Variants in PTPN23 observed in about 807,000 individuals in gnomAD.
PTPN23 encodes the protein tyrosine-protein phosphatase non-receptor type 23.
PTPN23 carries 72 observed loss-of-function variants against 156.3 expected under a neutral mutation model. That is an observed-to-expected ratio of 0.46 (90% CI 0.38 to 0.56). The LOEUF (loss-of-function observed/expected upper bound fraction) is 0.56, where lower values mean the gene tolerates loss of function less well. PTPN23 is among the 20% of genes least tolerant of loss of function. The pLI is 0.00. For synonymous variants in PTPN23, 957 were observed against 899.6 expected (o/e 1.06, Z -1.14); for missense variants, 1,974 against 2,171.5 (o/e 0.91, Z 1.81).
rs1336886744 is a variant in PTPN23, at chr3:47,407,694, C to A, written c.1004-3C>A. 1.2e-6 allele frequency: 2 copies of A among 1,612,898 alleles called. No homozygotes were observed. The highest frequency in any genetic ancestry group is 8.5e-7 in the Non-Finnish European group (1 of 1,178,932). The stretch of plus-strand genomic sequence containing the variant: ...CTGATCTCCACAATTCCCACCCCCC[C>A]AGGAGCCCCCTTGGTGAAGCCCTTG... On this transcript the variant is annotated splice_region_variant and splice_polypyrimidine_tract_variant and intron_variant, in intron 12 of 24. Coordinates refer to ENST00000265562, the MANE Select transcript of PTPN23 (RefSeq NM_015466.4). The surrounding 1 kb of genome is among the most constrained non-coding windows in gnomAD (Gnocchi z 4.0).
intron 1 of PTPN23, among the ~76,000 whole-genome samples, chr3:47,381,465 C>A (rs1405731766): frequency 6.6e-6 from 1 of 152,212 alleles, no homozygotes; most frequent in East Asian, 1.9e-4. Flanking sequence ...CAGCACACTT[C>A]CTCCTTCTGA....
chr3:47,411,016 C>T lies in PTPN23; in HGVS notation c.3218C>T (p.Ser1073Leu), dbSNP rs751978383. 8 of 1,595,184 alleles carry T rather than the reference C, an allele frequency of 5.0e-6. No homozygotes were observed. The highest frequency in any genetic ancestry group is 3.4e-5 in the South Asian group (3 of 87,656). The change falls in exon 20 of 25, where the codon TCG (serine) becomes TTG (leucine). Residue 1073 changes from serine (S) to leucine (L), a missense_variant. Ser to Leu is a moderately radical substitution (Grantham distance 145, BLOSUM62 -2). Transcript: ENST00000265562. The surrounding 1 kb of genome is among the most constrained non-coding windows in gnomAD (Gnocchi z 6.3). The stretch of plus-strand genomic sequence containing the variant: ...GCCCCTCTTACCATTCGAGGGCCCT[C>T]GTCTGCTGGCCAGTCCACCCCTAGT... ...QAAPLTIRGPSSAGQSTPSPH... is the reference protein window; with the variant it reads ...QAAPLTIRGPLSAGQSTPSPH...
In PTPN23 at chr3:47,410,022, CCT is replaced by C. The variant is rs1219243358; in HGVS notation, c.2225_2226del (p.Pro742ArgfsTer9). 3 of 1,610,544 alleles carry C rather than the reference CCT, an allele frequency of 1.9e-6. No homozygotes were observed. The highest frequency in any genetic ancestry group is 2.5e-6 in the Non-Finnish European group (3 of 1,178,658). ...ESEAVEAGDP[P>X]EELRSLPPDM... is the part of the protein sequence containing the mutation. ...TGAGGCAGTGGAAGCAGGAGACCCC[CCT>C]GAGGAGCTGCGCAGCCTCCCCCCTG... On this transcript the variant is annotated frameshift_variant, in exon 20 of 25. Coordinates refer to ENST00000265562, the MANE Select transcript of PTPN23 (RefSeq NM_015466.4). LOFTEE classifies it high-confidence loss of function.
Position 47,409,981 on chromosome 3 carries a change from C to T in PTPN23, c.2183C>T (p.Pro728Leu). 1 of 1,591,880 alleles carries T rather than the reference C, an allele frequency of 6.3e-7. No homozygotes were observed. Among genetic ancestry groups the T allele is most frequent in the East Asian group, 2.2e-5 (1 of 44,646 alleles). Residue 728 changes from proline (P) to leucine (L), a missense_variant, in exon 20 of 25, where the codon CCC becomes CTC. Pro to Leu is a moderately conservative substitution (Grantham distance 98, BLOSUM62 -3). Transcript: ENST00000265562. ...PRPTAPKPLLPRREESEAVEA... is the reference protein window; with the variant it reads ...PRPTAPKPLLLRREESEAVEA... ...CCCACAGCCCCAAAGCCGCTGCTGC[C>T]CCGCAGGGAGGAGAGTGAGGCAGTG...
intron 15 of PTPN23, 122 bp downstream of exon 15, chr3:47,408,612 C>T: frequency 4.9e-6 from 7 of 1,438,876 alleles, no homozygotes; most frequent in Non-Finnish European, 5.6e-6. Context: ...CTTGGGCATC[C>T]ACACCCACTC....
chr3:47,408,107 T>A, intron 14 of PTPN23, 152 bp downstream of exon 14: 1 of 1,038,930 alleles, frequency 9.6e-7, no homozygotes, highest in Non-Finnish European at 1.4e-6. Context: ...GTGGGGCTAG[T>A]GTGTAAGGCA....
intron 2 of PTPN23, 46 bp from the exon 3 acceptor site, chr3:47,404,606 C>T (rs1311406941): frequency 1.9e-6 from 3 of 1,604,852 alleles, no homozygotes; most frequent in Admixed American, 1.7e-5. Context: ...TGCGTGTCCA[C>T]TGCCCCATAT....
intron 1 of PTPN23, among the ~76,000 whole-genome samples, chr3:47,388,632 A>G (rs62248578): frequency 2.9e-4 from 44 of 149,568 alleles, no homozygotes; most frequent in Non-Finnish European, 3.0e-4. Context: ...ATTGCTGACT[A>G]TAGTTACCCT....
In PTPN23 at chr3:47,406,867, C is replaced by A. The variant is rs900437090; in HGVS notation, c.807+117C>A. The stretch of plus-strand genomic sequence containing the variant: ...TTCTCTGTCTCACCCTGGCCATCAC[C>A]CTGCTGGAGGCCTGGTGTCTTAAGT... On this transcript the variant is annotated intron_variant, in intron 9 of 24. Coordinates refer to ENST00000265562, the MANE Select transcript of PTPN23 (RefSeq NM_015466.4). The surrounding 1 kb of genome is among the most constrained non-coding windows in gnomAD (Gnocchi z 5.8). The A allele has an allele frequency of 1.5e-6, 2 of 1,359,680 alleles. No homozygotes were observed. Among genetic ancestry groups the A allele is most frequent in the Admixed American group, 2.0e-5 (1 of 49,858 alleles). The allele number at this position is 1,359,680 out of a possible 1,614,324, so 84.2% of individuals were successfully genotyped here.
chr3:47,400,353 AG>A (rs936624626), intron 2 of PTPN23, among the ~76,000 whole-genome samples: 2 of 152,230 alleles, frequency 1.3e-5, no homozygotes, highest in African/African-American at 2.4e-5. Context: ...TGACAGGTGC[AG>A]GGGATGCTAT....
intron 1 of PTPN23, among the ~76,000 whole-genome samples, chr3:47,383,110 C>G (rs1576206566): frequency 6.6e-6 from 1 of 152,106 alleles, no homozygotes; most frequent in Non-Finnish European, 1.5e-5. Flanking sequence ...CCACTTCTTT[C>G]AGCATTTATT....
At chr3:47,388,653 C>T (rs1447662498) in intron 1 of PTPN23, among the ~76,000 whole-genome samples, 1 of 148,278 alleles carries the variant, frequency 6.7e-6, no homozygotes, top group Non-Finnish European at 1.5e-5. Flanking sequence ...GTTTTGCTGT[C>T]ACTACTAGAT....
chr3:47,396,303 G>T, intron 2 of PTPN23, 86 bp downstream of exon 2: 3 of 1,111,850 alleles, frequency 2.7e-6, no homozygotes, highest in Non-Finnish European at 3.9e-6. Context: ...GCTGGGCATG[G>T]TGGCTCAACG....
rs1033569456 is a variant in PTPN23, at chr3:47,407,627, G to A, written c.1003+43G>A. The stretch of plus-strand genomic sequence containing the variant: ...TGGGGGCAGAGGTGACGGTGGGGTG[G>A]GGACAGGACACAGGAGGCTGCCTCA... On this transcript the variant is annotated intron_variant, in intron 12 of 24. Coordinates refer to ENST00000265562, the MANE Select transcript of PTPN23 (RefSeq NM_015466.4). This position sits in a 1 kb window ranked among gnomAD's most constrained non-coding sequence, Gnocchi z 4.0. The A allele has an allele frequency of 6.2e-7, 1 of 1,605,618 alleles. No homozygotes were observed. Among genetic ancestry groups the A allele is most frequent in the Non-Finnish European group, 8.5e-7 (1 of 1,172,630 alleles).
Position 47,381,082 on chromosome 3 carries a change from C to T in PTPN23, c.-15C>T, listed in dbSNP as rs1025822806. On this transcript the variant is annotated 5_prime_UTR_variant, in exon 1 of 25. Transcript: ENST00000265562. ...GCTACGGGAGTGGCCGGGTGGCCGG[C>T]GGGTGCCAGCCGCCATGGAGGCCGT... is the stretch of plus-strand genomic sequence containing the variant. The T allele has an allele frequency of 5.3e-5, 83 of 1,561,296 alleles. 1 individual carries two copies. Among genetic ancestry groups the T allele is most frequent in the Non-Finnish European group, 7.2e-5 (83 of 1,153,922 alleles).
chr3:47,408,140 A>T (rs1705174522), intron 14 of PTPN23, among the ~76,000 whole-genome samples, 185 bp downstream of exon 14: 1 of 152,022 alleles, frequency 6.6e-6, no homozygotes, highest in African/African-American at 2.4e-5. Context: ...TGGGAGGAGG[A>T]GGTGCCTTCT....
At position 47,406,652 on chromosome 3, in the gene PTPN23, G is replaced by C. The variant is rs1254888581; in HGVS notation, c.759+40G>C. 6.2e-7 allele frequency: 1 copy of C among 1,613,850 alleles called. No homozygotes were observed. Among genetic ancestry groups the C allele is most frequent in the East Asian group, 2.2e-5 (1 of 44,898 alleles). On this transcript the variant is annotated intron_variant, in intron 8 of 24. Coordinates refer to ENST00000265562, the MANE Select transcript of PTPN23 (RefSeq NM_015466.4). This position sits in a 1 kb window ranked among gnomAD's most constrained non-coding sequence, Gnocchi z 5.8. Reference sequence around the variant, plus strand: ...CCCCAGGGCGGGGCAGGGCGGGGCTGAGTGGCCACAGCTCAGGAAGCAAGT... The same window carrying C: ...CCCCAGGGCGGGGCAGGGCGGGGCTCAGTGGCCACAGCTCAGGAAGCAAGT...
Position 47,406,777 on chromosome 3 carries a change from G to A in PTPN23, c.807+27G>A. ...TGAGCTACAGCGAGGAGGGGACTGG[G>A]GACCAATGGCAGCCTTCAGTGAGAT... On this transcript the variant is annotated intron_variant, in intron 9 of 24. Transcript: ENST00000265562. The surrounding 1 kb of genome is among the most constrained non-coding windows in gnomAD (Gnocchi z 5.8). 5 of 1,612,862 alleles carry A rather than the reference G, an allele frequency of 3.1e-6. No homozygotes were observed. In the Admixed American group the frequency reaches 5.0e-5, roughly 16 times the overall value.
Position 47,412,534 on chromosome 3 carries a change from T to C in PTPN23, c.4338T>C (p.Tyr1446=). 1.2e-6 allele frequency: 2 copies of C among 1,613,524 alleles called. No individual in the cohort carries two copies. The highest frequency in any genetic ancestry group is 1.3e-5 in the African/African-American group (1 of 75,062). ...LQEKLHLRFC[Y]EAVVRHVEQV... ...TGCAGCTGCACCTCAGGTTCTGCTA[T>C]GAGGCAGTGGTGAGACACGTGGAGC... Residue 1446 remains tyrosine (Y), a synonymous_variant, in exon 24 of 25, where the codon TAT becomes TAC. Coordinates refer to ENST00000265562, the MANE Select transcript of PTPN23 (RefSeq NM_015466.4).
Sources: allele counts gnomAD v4.1 joint callset (sites outside exome capture counted in the v4.1 genomes callset), GRCh38; gene constraint gnomAD v4.1.1; non-coding constraint Gnocchi (gnomAD v3.1); transcripts MANE v1.5; gene names NCBI Gene and HGNC (gene_info 2026-07-23, HGNC 2026-07-21).